The following ZCWPW2 variants were observed in gnomAD, a reference collection of about 807,000 sequenced individuals.
ZCWPW2 encodes zinc finger CW-type PWWP domain protein 2.
In ZCWPW2, 45 loss-of-function variants were observed where a neutral mutation model predicts 46.6. The ratio of observed to expected loss-of-function variants is 0.96; its 90% confidence interval spans 0.76 to 1.24. The LOEUF is 1.24. Ranked by LOEUF, ZCWPW2 falls within the 50% of genes most tolerant of loss-of-function variation. The pLI is 0.00. For synonymous variants in ZCWPW2, 152 were observed against 137.1 expected (o/e 1.11, Z -0.76); for missense variants, 429 against 403.9 (o/e 1.06, Z -0.53).
rs879150554 is a variant in ZCWPW2, at chr3:28,515,797, ATG to A, written c.784+186_784+187del. The stretch of plus-strand genomic sequence containing the variant: ...TATGTATACATTTTTACACATATAT[ATG>A]TGTGTGTGTATATATACACATATAT... On this transcript the variant is annotated intron_variant, in intron 8 of 9. Transcript: ENST00000383768. 1.8e-4 allele frequency among the ~76,000 whole-genome samples: 26 copies of A among 146,172 alleles called. No homozygotes were observed. In the South Asian group the frequency reaches 1.9e-3, roughly 11 times the overall value.
intron 6 of ZCWPW2, among the ~76,000 whole-genome samples, chr3:28,500,231 C>A (rs766385361): frequency 4.6e-5 from 7 of 151,972 alleles, no homozygotes; most frequent in Admixed American, 2.0e-4. Flanking sequence ...CAGTTTACAT[C>A]ATAATTTGTT....
chr3:28,522,824 T>G (rs1700757237), intron 9 of ZCWPW2, among the ~76,000 whole-genome samples: 1 of 152,190 alleles, frequency 6.6e-6, no homozygotes, highest in African/African-American at 2.4e-5. Context: ...GACCTGCAGA[T>G]TGGTATCATA....
chr3:28,414,608 T>TC (rs973183002), intron 3 of ZCWPW2, among the ~76,000 whole-genome samples: 1 of 102,486 alleles, frequency 9.8e-6, no homozygotes, highest in Non-Finnish European at 1.9e-5. Flanking sequence ...CCCTCCCCCC[T>TC]CCCCCCACCC....
chr3:28,408,620 C>T (rs1696262667), intron 2 of ZCWPW2, among the ~76,000 whole-genome samples: 1 of 152,136 alleles, frequency 6.6e-6, no homozygotes, highest in African/African-American at 2.4e-5. Flanking sequence ...GTTATGGCAT[C>T]TCCCACCTTT....
At chr3:28,360,119 T>G (rs529142643) in intron 1 of ZCWPW2, among the ~76,000 whole-genome samples, 80 of 151,832 alleles carry the variant, frequency 5.3e-4, no homozygotes, top group Non-Finnish European at 1.0e-3. Flanking sequence ...CAGAAAATAT[T>G]AATAATGTAT....
chr3:28,523,706 C>T (rs1244582600), intron 9 of ZCWPW2, among the ~76,000 whole-genome samples: 1 of 152,036 alleles, frequency 6.6e-6, no homozygotes, highest in Non-Finnish European at 1.5e-5. Context: ...AAAGCTTATA[C>T]ACATAGATAA....
At chr3:28,438,096 G>T (rs2125766912) in intron 4 of ZCWPW2, among the ~76,000 whole-genome samples, 1 of 152,296 alleles carries the variant, frequency 6.6e-6, no homozygotes, top group South Asian at 2.1e-4. Context: ...GGAGCATCTT[G>T]CACATAGCTT....
At chr3:28,437,677 T>A (rs911069317) in intron 4 of ZCWPW2, among the ~76,000 whole-genome samples, 1 of 152,224 alleles carries the variant, frequency 6.6e-6, no homozygotes, top group Non-Finnish European at 1.5e-5. Context: ...TACACTGAGA[T>A]ACACTCCAGA....
chr3:28,353,806 A>C (rs909628980), intron 1 of ZCWPW2, among the ~76,000 whole-genome samples: 5 of 152,226 alleles, frequency 3.3e-5, no homozygotes, highest in African/African-American at 4.8e-5. Flanking sequence ...ATGAACAATC[A>C]TAGGGAGAAG....
At chr3:28,447,380 A>T (rs1698033756) in intron 4 of ZCWPW2, among the ~76,000 whole-genome samples, 1 of 152,092 alleles carries the variant, frequency 6.6e-6, no homozygotes, top group South Asian at 2.1e-4. Flanking sequence ...AATACACCAC[A>T]TTACCAGAAT....
chr3:28,412,312 C>A (rs955240051), intron 2 of ZCWPW2, among the ~76,000 whole-genome samples: 2 of 151,450 alleles, frequency 1.3e-5, no homozygotes, highest in Admixed American at 6.6e-5. Flanking sequence ...ATTTTTCTAA[C>A]AAAAAAGCTC....
chr3:28,521,026 G>A lies in ZCWPW2; in HGVS notation c.819G>A (p.Leu273=), dbSNP rs372738804. 29 of 1,613,390 alleles carry A rather than the reference G, an allele frequency of 1.8e-5. No homozygotes were observed. The highest frequency in any genetic ancestry group is 2.5e-5 in the Non-Finnish European group (29 of 1,179,716). The change falls in exon 9 of 10, where the codon CTG becomes CTA. Residue 273 remains leucine (L), a synonymous_variant. Coordinates refer to ENST00000383768, the MANE Select transcript of ZCWPW2 (RefSeq NM_001040432.4). ...AGACGGAAGTTTTACTAAAAGAGCT[G>A]GAGCAAATGCTGCAGCAAGCACTGC... ...VCETEVLLKE[L]EQMLQQALQP...
chr3:28,467,857 C>T (rs1434795315), intron 4 of ZCWPW2, among the ~76,000 whole-genome samples: 1 of 152,226 alleles, frequency 6.6e-6, no homozygotes, highest in East Asian at 1.9e-4. Flanking sequence ...ACAGCAGGTG[C>T]AAACAAACCC....
chr3:28,502,868 A>G (rs1250164254), intron 6 of ZCWPW2, among the ~76,000 whole-genome samples: 1 of 152,120 alleles, frequency 6.6e-6, no homozygotes, highest in Non-Finnish European at 1.5e-5. Flanking sequence ...GAGTTTAATT[A>G]TGCAAATCTG....
chr3:28,357,503 A>G (rs1360315635), intron 1 of ZCWPW2, among the ~76,000 whole-genome samples: 6 of 152,128 alleles, frequency 3.9e-5, no homozygotes, highest in South Asian at 2.1e-4. Context: ...ATTGCTCTCC[A>G]CATTGTGAGT....
Position 28,390,544 on chromosome 3 carries a change from C to T in ZCWPW2, c.-87C>T, listed in dbSNP as rs1049984604. On this transcript the variant is annotated 5_prime_UTR_variant, in exon 2 of 10. Coordinates refer to ENST00000383768, the MANE Select transcript of ZCWPW2 (RefSeq NM_001040432.4). The stretch of plus-strand genomic sequence containing the variant: ...GCCTCTTTAGTGACTACAGACCTCA[C>T]TTCCCTTCTCTGGAGTTTTGGAGTC... 2 of 985,248 alleles carry T rather than the reference C, an allele frequency of 2.0e-6. No homozygotes were observed. Among genetic ancestry groups the T allele is most frequent in the Non-Finnish European group, 2.4e-6 (2 of 829,914 alleles). The allele number at this position is 985,248 out of a possible 1,614,324, so 61.0% of individuals were successfully genotyped here.
chr3:28,435,278 C>G lies in ZCWPW2; in HGVS notation c.492+9C>G, dbSNP rs745640985. 2 of 1,582,834 alleles carry G rather than the reference C, an allele frequency of 1.3e-6. No homozygotes were observed. Among genetic ancestry groups the G allele is most frequent in the East Asian group, 4.5e-5 (2 of 44,304 alleles). On this transcript the variant is annotated intron_variant, in intron 4 of 9. Transcript: ENST00000383768. ...ATAGTATCACATTAAAGGTAGGTAT[C>G]ATAACATCAAAACTTTATTCTTCTT...
At chr3:28,378,245 A>G (rs1355474070) in intron 1 of ZCWPW2, among the ~76,000 whole-genome samples, 6 of 152,052 alleles carry the variant, frequency 3.9e-5, no homozygotes, top group Admixed American at 3.9e-4. Context: ...AATATACATC[A>G]TAGAGAAGAT....
intron 3 of ZCWPW2, among the ~76,000 whole-genome samples, chr3:28,425,535 C>A (rs892425476): frequency 6.6e-6 from 1 of 152,122 alleles, no homozygotes; most frequent in Admixed American, 6.5e-5. Context: ...TGTGTCAATT[C>A]TCTTTAGCCC....
Sources: gnomAD v4.1 joint callset for allele counts (sites outside exome capture counted in the v4.1 genomes callset) on GRCh38, gnomAD v4.1.1 for gene constraint, MANE v1.5 for transcripts, NCBI Gene and HGNC (gene_info 2026-07-23, HGNC 2026-07-21) for gene names.